The following SDK1 variants were observed in gnomAD, a reference collection of about 807,000 sequenced individuals.
SDK1 encodes sidekick cell adhesion molecule 1, also known as protein sidekick-1.
Under a neutral mutation model 245.5 loss-of-function variants are expected in SDK1, and 157 were observed. That is an observed-to-expected ratio of 0.64 (90% CI 0.56 to 0.73). The LOEUF (loss-of-function observed/expected upper bound fraction) is 0.73. SDK1 is among the 30% of genes least tolerant of loss of function. SDK1 has a pLI of 0.00. For synonymous variants in SDK1, 1,647 were observed against 1,278.5 expected (o/e 1.29, Z -6.15); for missense variants, 3,583 against 3,002.3 (o/e 1.19, Z -4.52).
chr7:3,599,143 G>A (rs897242521), intron 1 of SDK1, among the ~76,000 whole-genome samples: 2 of 130,430 alleles, frequency 1.5e-5, no homozygotes, highest in Admixed American at 9.3e-5. Flanking sequence ...TGGCGTTCTC[G>A]CTGTTTTTTA....
chr7:3,872,213 A>G (rs568100776), intron 5 of SDK1, among the ~76,000 whole-genome samples: 1 of 152,278 alleles, frequency 6.6e-6, no homozygotes, highest in East Asian at 1.9e-4. Flanking sequence ...TTCGGTGAGA[A>G]TGTTTATATT....
At chr7:3,453,191 G>T (rs1053939863) in intron 1 of SDK1, among the ~76,000 whole-genome samples, 6 of 152,126 alleles carry the variant, frequency 3.9e-5, no homozygotes, top group Admixed American at 1.3e-4. Flanking sequence ...ACTGGTATCT[G>T]AGCAGAGCCA....
chr7:4,009,078 A>G (rs1785728621), intron 14 of SDK1, among the ~76,000 whole-genome samples: 1 of 152,174 alleles, frequency 6.6e-6, no homozygotes, highest in South Asian at 2.1e-4. Flanking sequence ...GTTTGTGTGT[A>G]TGTGTTTTCT....
intron 1 of SDK1, among the ~76,000 whole-genome samples, chr7:3,601,992 A>G (rs1781269044): frequency 6.6e-6 from 1 of 151,952 alleles, no homozygotes; most frequent in Non-Finnish European, 1.5e-5. Flanking sequence ...CCATGTCTCT[A>G]CAAAGGACAT....
At chr7:3,677,020 C>A (rs947660680) in intron 4 of SDK1, among the ~76,000 whole-genome samples, 1 of 152,160 alleles carries the variant, frequency 6.6e-6, no homozygotes, top group Non-Finnish European at 1.5e-5. Context: ...CCAAGGATTC[C>A]TGCACCTCTT....
intron 28 of SDK1, 189 bp downstream of exon 28, chr7:4,132,612 C>A: frequency 3.9e-6 from 2 of 510,608 alleles, no homozygotes; most frequent in African/African-American, 1.9e-5. Flanking sequence ...CTGTTGGTCC[C>A]AGCTACTTGG....
intron 1 of SDK1, among the ~76,000 whole-genome samples, chr7:3,339,564 A>C (rs143183421): frequency 6.6e-6 from 1 of 152,182 alleles, no homozygotes; most frequent in Non-Finnish European, 1.5e-5. Context: ...GAAATCCTAC[A>C]GAATTTGTTC....
chr7:3,437,989 C>G (rs761576361), intron 1 of SDK1, among the ~76,000 whole-genome samples: 12 of 152,104 alleles, frequency 7.9e-5, no homozygotes, highest in Non-Finnish European at 1.8e-4. Context: ...ATTTAATCCT[C>G]TAAGACCTGA....
chr7:3,364,984 C>T (rs189228004), intron 1 of SDK1, among the ~76,000 whole-genome samples: 24 of 152,216 alleles, frequency 1.6e-4, no homozygotes, highest in Middle Eastern at 3.4e-3. Context: ...GTACATGTTT[C>T]GGTAGCTTTA....
In SDK1 at chr7:3,969,312, ATCGGGGGG is replaced by A; in HGVS notation, c.1605_1612del (p.Gly536ThrfsTer43). Reference sequence around the variant, plus strand: ...GGATTCCTAGGTTCATGCTTCTTGAATCGGGGGGTCTACAGATCGCGCCCGTCTTCATC... The same window carrying A: ...GGATTCCTAGGTTCATGCTTCTTGAATCTACAGATCGCGCCCGTCTTCATC... On this transcript the variant is annotated frameshift_variant, in exon 11 of 45. Coordinates refer to ENST00000404826, the MANE Select transcript of SDK1 (RefSeq NM_152744.4). LOFTEE classifies it high-confidence loss of function. The A allele has an allele frequency of 6.2e-7, 1 of 1,610,854 alleles. No homozygotes were observed. The highest frequency in any genetic ancestry group is 8.5e-7 in the Non-Finnish European group (1 of 1,178,640).
intron 4 of SDK1, among the ~76,000 whole-genome samples, chr7:3,684,423 G>A (rs1264965211): frequency 6.6e-6 from 1 of 152,180 alleles, no homozygotes; most frequent in African/African-American, 2.4e-5. Flanking sequence ...AGGAGTCAGT[G>A]CTTCCCTTTT....
chr7:4,071,990 A>G (rs1182095241), intron 20 of SDK1, among the ~76,000 whole-genome samples: 1 of 152,246 alleles, frequency 6.6e-6, no homozygotes, highest in Non-Finnish European at 1.5e-5. Flanking sequence ...TTAAAGCTGA[A>G]AGAAAAAAAT....
chr7:3,469,412 C>G (rs2128597900), intron 1 of SDK1, among the ~76,000 whole-genome samples: 1 of 152,220 alleles, frequency 6.6e-6, no homozygotes, highest in South Asian at 2.1e-4. Flanking sequence ...GCCTGGGTGA[C>G]AGCAAGACCT....
intron 5 of SDK1, among the ~76,000 whole-genome samples, chr7:3,845,751 T>G (rs935419051): frequency 1.1e-4 from 16 of 151,930 alleles, no homozygotes; most frequent in Non-Finnish European, 4.4e-5. Context: ...CCATTTGCAG[T>G]GTTTATTTAA....
At chr7:3,626,610 G>A (rs779147859) in intron 2 of SDK1, among the ~76,000 whole-genome samples, 4 of 152,156 alleles carry the variant, frequency 2.6e-5, no homozygotes, top group Non-Finnish European at 4.4e-5. Flanking sequence ...CTGGTCTTGC[G>A]AGTACTAAGA....
intron 22 of SDK1, among the ~76,000 whole-genome samples, chr7:4,090,284 C>T (rs1419633239): frequency 2.0e-5 from 3 of 152,286 alleles, no homozygotes; most frequent in Non-Finnish European, 4.4e-5. Context: ...TCTCATCCAC[C>T]AGTTTGTCAT....
At chr7:3,799,461 T>G (rs1437480342) in intron 4 of SDK1, among the ~76,000 whole-genome samples, 3 of 151,848 alleles carry the variant, frequency 2.0e-5, no homozygotes, top group Admixed American at 2.0e-4. Flanking sequence ...TCCCAGCACT[T>G]TGGGAGGCCG....
chr7:3,627,041 C>T (rs1200186749), intron 2 of SDK1, among the ~76,000 whole-genome samples: 1 of 152,124 alleles, frequency 6.6e-6, no homozygotes, highest in Non-Finnish European at 1.5e-5. Flanking sequence ...CATACTCCCA[C>T]CTCAGCTTCC....
At chr7:3,521,313 A>T (rs1372469968) in intron 1 of SDK1, among the ~76,000 whole-genome samples, 1 of 152,202 alleles carries the variant, frequency 6.6e-6, no homozygotes, top group Non-Finnish European at 1.5e-5. Context: ...TAAGCTCCCT[A>T]CTACATTTGA....
Sources: gnomAD v4.1 joint callset for allele counts (sites outside exome capture counted in the v4.1 genomes callset) on GRCh38, gnomAD v4.1.1 for gene constraint, MANE v1.5 for transcripts, NCBI Gene and HGNC (gene_info 2026-07-23, HGNC 2026-07-21) for gene names.